Variants in UBAC2 observed in about 807,000 individuals in gnomAD.
The protein encoded by UBAC2 is ubiquitin-associated domain-containing protein 2.
In UBAC2, 26 loss-of-function variants were observed where a neutral mutation model predicts 44.0. The observed-to-expected ratio is 0.59, with a 90% confidence interval of 0.43 to 0.82. The LOEUF (loss-of-function observed/expected upper bound fraction) is 0.82. UBAC2 is among the 40% of genes least tolerant of loss of function. The pLI is 0.00. For synonymous variants in UBAC2, 155 were observed against 154.3 expected (o/e 1.00, Z -0.04); for missense variants, 329 against 419.4 (o/e 0.78, Z 1.88).
At chr13:99,209,274 CT>C (rs2042911929) in intron 1 of UBAC2, among the ~76,000 whole-genome samples, 1 of 152,224 alleles carries the variant, frequency 6.6e-6, no homozygotes, top group African/African-American at 2.4e-5. Flanking sequence ...ACAAAGCCCC[CT>C]CCTCCTGTCC....
intron 6 of UBAC2, among the ~76,000 whole-genome samples, chr13:99,330,583 G>C (rs1423637204): frequency 6.6e-6 from 1 of 151,646 alleles, no homozygotes; most frequent in Non-Finnish European, 1.5e-5. Flanking sequence ...TTTCAACATA[G>C]GTGGTCTGTG....
At chr13:99,228,954 C>T (rs1476885903) in intron 1 of UBAC2, among the ~76,000 whole-genome samples, 1 of 152,164 alleles carries the variant, frequency 6.6e-6, no homozygotes, top group Non-Finnish European at 1.5e-5. Context: ...CTGGTAAATT[C>T]GCCCCCAGGG....
In UBAC2 at chr13:99,279,152, C is replaced by T. The variant is rs554539739; in HGVS notation, c.389+34528C>T. 1.4e-3 allele frequency among the ~76,000 whole-genome samples: 220 copies of T among 152,168 alleles called. 2 individuals are homozygous for T. Among genetic ancestry groups the T allele is most frequent in the South Asian group, 5.0e-3 (24 of 4,816 alleles). On this transcript the variant is annotated intron_variant, in intron 4 of 8. Coordinates refer to ENST00000403766, the MANE Select transcript of UBAC2 (RefSeq NM_001144072.2). ...TTTTCTCCTTTTCCCCCTTTTCTTA[C>T]CCCTTTATCTCCCCTGCTTTTGCAC...
intron 4 of UBAC2, among the ~76,000 whole-genome samples, chr13:99,277,220 A>C (rs993959336): frequency 3.9e-5 from 6 of 152,170 alleles, no homozygotes; most frequent in African/African-American, 1.4e-4. Flanking sequence ...TGTTCAAACT[A>C]CCATCTTTAA....
intron 1 of UBAC2, among the ~76,000 whole-genome samples, chr13:99,233,973 A>T (rs1359484242): frequency 2.6e-5 from 4 of 151,576 alleles, no homozygotes; most frequent in Non-Finnish European, 5.9e-5. Flanking sequence ...TTATTATTTT[A>T]TTATTATTAT....
At chr13:99,373,052 C>T (rs180836876) in intron 8 of UBAC2, among the ~76,000 whole-genome samples, 24 of 152,166 alleles carry the variant, frequency 1.6e-4, no homozygotes, top group African/African-American at 5.8e-4. Flanking sequence ...ACCCGAGAGG[C>T]AGAGCTTGCA....
At chr13:99,334,861 T>A (rs2044764196) in intron 6 of UBAC2, among the ~76,000 whole-genome samples, 2 of 151,888 alleles carry the variant, frequency 1.3e-5, no homozygotes, top group South Asian at 2.1e-4. Context: ...AGAAAAAAAA[T>A]TGCTATATGG....
At chr13:99,340,160 G>C (rs1249097647) in intron 6 of UBAC2, among the ~76,000 whole-genome samples, 160 bp from the exon 7 acceptor site, 1 of 152,212 alleles carries the variant, frequency 6.6e-6, no homozygotes, top group Non-Finnish European at 1.5e-5. Context: ...GCACTGCTTA[G>C]TGTTCTGCAG....
At chr13:99,296,943 C>T (rs374460117) in intron 4 of UBAC2, among the ~76,000 whole-genome samples, 3 of 152,258 alleles carry the variant, frequency 2.0e-5, no homozygotes, top group East Asian at 3.9e-4. Context: ...CACATAGTAG[C>T]AAGCATCACA....
At chr13:99,279,256 T>G (rs1389919715) in intron 4 of UBAC2, among the ~76,000 whole-genome samples, 2 of 152,160 alleles carry the variant, frequency 1.3e-5, no homozygotes, top group Non-Finnish European at 2.9e-5. Flanking sequence ...AAATAAATAC[T>G]TAAATGCTTG....
At chr13:99,296,076 A>G in intron 4 of UBAC2, 1 of 1,613,950 alleles carries the variant, frequency 6.2e-7, no homozygotes, top group Non-Finnish European at 8.5e-7. Context: ...TGATGTGCAT[A>G]GAGGTCACAG....
chr13:99,330,240 C>T (rs552975274), intron 6 of UBAC2, among the ~76,000 whole-genome samples: 1 of 151,880 alleles, frequency 6.6e-6, no homozygotes, highest in Non-Finnish European at 1.5e-5. Flanking sequence ...GTGGGCTGAT[C>T]ATGAGGTCAG....
chr13:99,286,849 G>A (rs939118559), intron 4 of UBAC2, among the ~76,000 whole-genome samples: 10 of 152,132 alleles, frequency 6.6e-5, no homozygotes, highest in East Asian at 1.9e-4. Context: ...GCCAGTGCGC[G>A]TCCCATTCTC....
chr13:99,255,035 A>G, intron 4 of UBAC2: 2 of 1,614,160 alleles, frequency 1.2e-6, no homozygotes, highest in Non-Finnish European at 1.7e-6. Flanking sequence ...ACATCCAGAC[A>G]CGTGCTGAGG....
At chr13:99,369,578 G>A (rs1392066784) in intron 8 of UBAC2, among the ~76,000 whole-genome samples, 2 of 152,154 alleles carry the variant, frequency 1.3e-5, no homozygotes, top group African/African-American at 2.4e-5. Context: ...TAGGTTAAGT[G>A]TACTAAATGC....
At chr13:99,215,475 A>C in intron 1 of UBAC2, 1 of 1,406,512 alleles carries the variant, frequency 7.1e-7, no homozygotes, top group Non-Finnish European at 1.0e-6. Context: ...CCAATTCTTC[A>C]TCTGCACGAA....
At chr13:99,286,832 G>C (rs2044024495) in intron 4 of UBAC2, among the ~76,000 whole-genome samples, 1 of 152,162 alleles carries the variant, frequency 6.6e-6, no homozygotes, top group Non-Finnish European at 1.5e-5. Flanking sequence ...TGTAACCTTA[G>C]AATGTGGCCA....
At chr13:99,249,223 G>A (rs1298276460) in intron 4 of UBAC2, among the ~76,000 whole-genome samples, 3 of 151,226 alleles carry the variant, frequency 2.0e-5, no homozygotes, top group South Asian at 2.1e-4. Context: ...TTCCGTGTCT[G>A]TTGCTGCCAT....
chr13:99,316,399 TTGAA>T (rs568962794), intron 5 of UBAC2, among the ~76,000 whole-genome samples: 51 of 152,212 alleles, frequency 3.4e-4, no homozygotes, highest in Non-Finnish European at 5.1e-4. Context: ...AGGGACATTG[TTGAA>T]TGAATGAATG....
Sources: allele counts gnomAD v4.1 joint callset (sites outside exome capture counted in the v4.1 genomes callset), GRCh38; gene constraint gnomAD v4.1.1; transcripts MANE v1.5; gene names NCBI Gene and HGNC (gene_info 2026-07-23, HGNC 2026-07-21).